Variants in FOXP1 observed in about 807,000 individuals in gnomAD.
The protein encoded by FOXP1 is forkhead box P1.
Under a neutral mutation model 98.2 loss-of-function variants are expected in FOXP1, and 15 were observed. The ratio of observed to expected loss-of-function variants is 0.15; its 90% CI spans 0.10 to 0.24. FOXP1 has a LOEUF of 0.24. Among genes scored for constraint, FOXP1 ranks in the 10% least tolerant of loss-of-function variants. FOXP1 has a pLI of 1.00. For synonymous variants in FOXP1, 371 were observed against 314.5 expected, an observed-to-expected ratio of 1.18 and a Z score of -1.90; for missense variants, 633 against 848.5, an observed-to-expected ratio of 0.75 and a Z score of 3.15.
chr3:71,204,067 T>A (rs2063848721), intron 5 of FOXP1, among the ~76,000 whole-genome samples: 1 of 152,212 alleles, frequency 6.6e-6, no homozygotes, highest in South Asian at 2.1e-4. Flanking sequence ...TATTGTCAGT[T>A]AACTCCATGC....
At chr3:71,439,130 C>T (rs1008984011) in intron 3 of FOXP1, among the ~76,000 whole-genome samples, 1 of 152,224 alleles carries the variant, frequency 6.6e-6, no homozygotes, top group South Asian at 2.1e-4. Flanking sequence ...GGGTGCCAGG[C>T]CTTGCCACAG....
intron 7 of FOXP1, among the ~76,000 whole-genome samples, chr3:71,080,742 C>T (rs1377040743): frequency 6.6e-6 from 1 of 152,192 alleles, no homozygotes; most frequent in African/African-American, 2.4e-5. Context: ...TCCTCTTTCT[C>T]TTCATTTGTG....
At chr3:71,026,562 G>C (rs747981102) in intron 11 of FOXP1, among the ~76,000 whole-genome samples, 5 of 152,184 alleles carry the variant, frequency 3.3e-5, no homozygotes, top group Non-Finnish European at 1.5e-5. Context: ...TAGGACTAGA[G>C]CTTCTTCCTC....
chr3:71,222,839 T>C (rs2065504965), intron 5 of FOXP1, among the ~76,000 whole-genome samples: 1 of 152,186 alleles, frequency 6.6e-6, no homozygotes, highest in Non-Finnish European at 1.5e-5. Flanking sequence ...TTACCGATTA[T>C]TTCTACCACT....
chr3:71,144,619 G>A lies in FOXP1; in HGVS notation c.181-31982C>T, dbSNP rs73838182. Reference sequence around the variant, plus strand: ...ACAAGTGTTCGGGACCTGACAGAACGGGCGAGGAGGCTGAGAAGGAACTGG... The same window carrying A: ...ACAAGTGTTCGGGACCTGACAGAACAGGCGAGGAGGCTGAGAAGGAACTGG... On this transcript the variant is annotated intron_variant, in intron 6 of 20. Coordinates refer to ENST00000649528, the MANE Select transcript of FOXP1 (RefSeq NM_001349338.3). Among the ~76,000 whole-genome samples, 374 of 152,278 alleles carry A rather than the reference G, an allele frequency of 2.5e-3. 3 individuals carry two copies. The highest frequency in any genetic ancestry group is 8.6e-3 in the African/African-American group (357 of 41,556).
At chr3:71,503,601 G>GAAAAAA (rs368279502) in intron 2 of FOXP1, among the ~76,000 whole-genome samples, 3 of 75,722 alleles carry the variant, frequency 4.0e-5, no homozygotes, top group African/African-American at 5.7e-5. Context: ...ACTCTGTCTC[G>GAAAAAA]AAAAAAAAAA....
intron 13 of FOXP1, among the ~76,000 whole-genome samples, chr3:70,995,460 A>G (rs544948998): frequency 6.6e-6 from 1 of 152,286 alleles, no homozygotes; most frequent in African/African-American, 2.4e-5. Context: ...TCATCTGTAC[A>G]TCATTCCAAA....
intron 3 of FOXP1, among the ~76,000 whole-genome samples, chr3:71,397,051 C>CATATATATGTGTATATATATATATACAT (rs1560425494): frequency 7.6e-4 from 28 of 36,814 alleles, no homozygotes; most frequent in African/African-American, 3.4e-3. Context: ...TATATATACA[C>CATATATATGTGTATATATATATATACAT]ATATATATGT....
intron 3 of FOXP1, among the ~76,000 whole-genome samples, chr3:71,378,593 C>T (rs1360144233): frequency 6.6e-6 from 1 of 152,016 alleles, no homozygotes; most frequent in African/African-American, 2.4e-5. Flanking sequence ...TAATCATATC[C>T]CAGAGCTTGT....
intron 7 of FOXP1, among the ~76,000 whole-genome samples, chr3:71,081,213 C>T (rs1490366439): frequency 6.6e-6 from 1 of 152,188 alleles, no homozygotes; most frequent in Non-Finnish European, 1.5e-5. Context: ...GAAAAGTGTT[C>T]TAACACTCCA....
intron 4 of FOXP1, among the ~76,000 whole-genome samples, chr3:71,342,732 CCT>C (rs1351982723): frequency 6.6e-6 from 1 of 150,718 alleles, no homozygotes; most frequent in African/African-American, 2.4e-5. Context: ...CTAAAATCTA[CCT>C]CTTTCTTTTT....
At chr3:71,575,448 C>T (rs1259848490) in intron 2 of FOXP1, among the ~76,000 whole-genome samples, 1 of 152,072 alleles carries the variant, frequency 6.6e-6, no homozygotes, top group Non-Finnish European at 1.5e-5. Flanking sequence ...AACCTACACA[C>T]ACACACATAC....
At chr3:71,581,900 G>C (rs1483044947) in intron 1 of FOXP1, 7 of 985,130 alleles carry the variant, frequency 7.1e-6, no homozygotes, top group Non-Finnish European at 8.4e-6. Flanking sequence ...CCGGGAAATC[G>C]GCCCGAGCCA....
chr3:71,472,121 G>A (rs112925241), intron 3 of FOXP1, among the ~76,000 whole-genome samples: 1,886 of 152,206 alleles, frequency 0.012, 43 homozygotes, highest in African/African-American at 0.042. Context: ...TGCCTTTAGG[G>A]TCATATTTTT....
intron 19 of FOXP1, 130 bp from the exon 20 acceptor site, chr3:70,966,186 A>G: frequency 4.5e-6 from 4 of 881,520 alleles, no homozygotes; most frequent in Non-Finnish European, 5.5e-6. Context: ...CAAGTTTCTA[A>G]GAGGTGTTGA....
chr3:71,446,378 G>A (rs2086447136), intron 3 of FOXP1, among the ~76,000 whole-genome samples: 1 of 152,074 alleles, frequency 6.6e-6, no homozygotes, highest in African/African-American at 2.4e-5. Flanking sequence ...GAAAAAGCAT[G>A]TTCAAGAATG....
Position 70,972,542 on chromosome 3 carries a change from A to G in FOXP1, c.1652+13T>C, listed in dbSNP as rs753351355. Reference sequence around the variant, plus strand: ...CCAAGCTAGGCTAAGAAGTTCAAACATGGTGGACGTACCCACTGATCTTTT... The same window carrying G: ...CCAAGCTAGGCTAAGAAGTTCAAACGTGGTGGACGTACCCACTGATCTTTT... On this transcript the variant is annotated intron_variant, in intron 18 of 20. Transcript: ENST00000649528. The G allele has an allele frequency of 4.3e-6, 7 of 1,614,096 alleles. No homozygotes were observed. Among genetic ancestry groups the G allele is most frequent in the South Asian group, 3.3e-5 (3 of 91,088 alleles).
chr3:71,126,062 T>C (rs1366697629), intron 6 of FOXP1, among the ~76,000 whole-genome samples: 2 of 152,232 alleles, frequency 1.3e-5, no homozygotes, highest in African/African-American at 2.4e-5. Flanking sequence ...TGTATAACTA[T>C]AGATTATGAA....
At chr3:71,195,130 T>A (rs1033612289) in intron 6 of FOXP1, among the ~76,000 whole-genome samples, 1 of 152,186 alleles carries the variant, frequency 6.6e-6, no homozygotes, top group Non-Finnish European at 1.5e-5. Context: ...TATTCTAATT[T>A]TTCAAAAGAA....
Sources: allele counts gnomAD v4.1 joint callset (sites outside exome capture counted in the v4.1 genomes callset), GRCh38; gene constraint gnomAD v4.1.1; transcripts MANE v1.5; gene names NCBI Gene and HGNC (gene_info 2026-07-23, HGNC 2026-07-21).